Variants in KCNH7 observed in about 807,000 individuals in gnomAD.
KCNH7 encodes the protein potassium voltage-gated channel subfamily H member 7.
A neutral mutation model predicts 120.8 loss-of-function variants in KCNH7; 49 were observed. That is an observed-to-expected ratio of 0.41 (90% CI 0.32 to 0.51). The LOEUF is 0.51. KCNH7 is among the 20% of genes least tolerant of loss of function. The pLI is 0.38. For synonymous variants in KCNH7, 547 were observed against 516.1 expected, an observed-to-expected ratio of 1.06 and a Z score of -0.81; for missense variants, 1,097 against 1,446.6, an observed-to-expected ratio of 0.76 and a Z score of 3.92.
chr2:162,422,917 A>G (rs1687752023), intron 9 of KCNH7, among the ~76,000 whole-genome samples: 1 of 152,168 alleles, frequency 6.6e-6, no homozygotes, highest in Non-Finnish European at 1.5e-5. Context: ...CCTGTCTTTT[A>G]AAGTGTGTTA....
At chr2:162,580,573 C>G (rs544108017) in intron 2 of KCNH7, among the ~76,000 whole-genome samples, 2 of 152,134 alleles carry the variant, frequency 1.3e-5, no homozygotes, top group East Asian at 3.9e-4. Flanking sequence ...TGATGCAACT[C>G]AATCCAACAT....
At chr2:162,758,395 A>G (rs1471777149) in intron 2 of KCNH7, among the ~76,000 whole-genome samples, 1 of 152,256 alleles carries the variant, frequency 6.6e-6, no homozygotes. Context: ...TGTTGAAGAA[A>G]TTCTCGCTTT....
chr2:162,683,416 A>G (rs2105316474), intron 2 of KCNH7, among the ~76,000 whole-genome samples: 1 of 152,048 alleles, frequency 6.6e-6, no homozygotes, highest in East Asian at 1.9e-4. Context: ...GATGAAAATA[A>G]GCTTCGGATT....
Position 162,766,020 on chromosome 2 carries a change from T to C in KCNH7, c.307+70517A>G, listed in dbSNP as rs1010054254. 4.6e-5 allele frequency among the ~76,000 whole-genome samples: 7 copies of C among 151,590 alleles called. No individual in the cohort carries two copies. In the East Asian group the frequency reaches 1.4e-3, roughly 29 times the overall value. On this transcript the variant is annotated intron_variant, in intron 2 of 15. Transcript: ENST00000332142. ...CATCCTCCTGCCTCAGCTTCCTCAG[T>C]AGCTGGGATTGCAGAACTTTTTTTT...
intron 2 of KCNH7, among the ~76,000 whole-genome samples, chr2:162,648,770 C>T (rs946966796): frequency 3.3e-5 from 5 of 151,890 alleles, no homozygotes; most frequent in African/African-American, 7.3e-5. Context: ...CCTTTACCAC[C>T]CCCCCAAAAA....
chr2:162,404,585 C>G (rs1260813309), intron 9 of KCNH7, among the ~76,000 whole-genome samples: 1 of 151,852 alleles, frequency 6.6e-6, no homozygotes, highest in Non-Finnish European at 1.5e-5. Context: ...CACCTCCTTC[C>G]ACTCTCTCTC....
At chr2:162,546,488 T>C (rs912697671) in intron 2 of KCNH7, among the ~76,000 whole-genome samples, 1 of 152,116 alleles carries the variant, frequency 6.6e-6, no homozygotes, top group African/African-American at 2.4e-5. Flanking sequence ...ACTCAGAATA[T>C]GAGCAAATCT....
intron 2 of KCNH7, among the ~76,000 whole-genome samples, chr2:162,603,906 G>C (rs533522717): frequency 6.6e-6 from 1 of 151,932 alleles, no homozygotes; most frequent in African/African-American, 2.4e-5. Context: ...GTTTTCATTT[G>C]TTATAGATGG....
At chr2:162,513,561 G>A (rs1014288279) in intron 4 of KCNH7, among the ~76,000 whole-genome samples, 4 of 148,542 alleles carry the variant, frequency 2.7e-5, no homozygotes, top group African/African-American at 9.9e-5. Context: ...ATATCTCTCT[G>A]GATGGACTTG....
chr2:162,594,270 G>A (rs1559034829), intron 2 of KCNH7, among the ~76,000 whole-genome samples: 3 of 151,840 alleles, frequency 2.0e-5, no homozygotes, highest in Admixed American at 6.6e-5. Context: ...TCATACAATT[G>A]CTTTAACTAC....
chr2:162,540,752 A>G (rs73022670), intron 2 of KCNH7, among the ~76,000 whole-genome samples: 13,337 of 152,090 alleles, frequency 0.088, 646 homozygotes, highest in East Asian at 0.12. Flanking sequence ...GGCACTGGAG[A>G]GTTTTATCCA....
At chr2:162,549,895 C>G (rs1415442652) in intron 2 of KCNH7, among the ~76,000 whole-genome samples, 5 of 152,116 alleles carry the variant, frequency 3.3e-5, no homozygotes, top group African/African-American at 1.2e-4. Flanking sequence ...GTTAAGAAGG[C>G]CATGTACCCA....
At chr2:162,441,867 T>A (rs1408823184) in intron 7 of KCNH7, among the ~76,000 whole-genome samples, 1 of 152,086 alleles carries the variant, frequency 6.6e-6, no homozygotes, top group Non-Finnish European at 1.5e-5. Flanking sequence ...AGGGAGATAT[T>A]AATGACATAG....
chr2:162,429,781 G>C (rs1190837131), intron 8 of KCNH7, among the ~76,000 whole-genome samples: 1 of 150,524 alleles, frequency 6.6e-6, no homozygotes, highest in Non-Finnish European at 1.5e-5. Flanking sequence ...GGATTCACTG[G>C]ACTTCTTGGA....
chr2:162,649,372 AAAC>A (rs1434110339), intron 2 of KCNH7, among the ~76,000 whole-genome samples: 5 of 152,224 alleles, frequency 3.3e-5, no homozygotes, highest in Admixed American at 3.3e-4. Flanking sequence ...AAAGTATGCC[AAAC>A]ATTTGAAAGT....
intron 2 of KCNH7, among the ~76,000 whole-genome samples, chr2:162,719,208 C>A (rs1297884734): frequency 2.0e-5 from 3 of 152,010 alleles, no homozygotes; most frequent in Admixed American, 2.0e-4. Context: ...TTAGTGGGAG[C>A]TTGCTATTTC....
At chr2:162,636,530 C>A (rs1683968600) in intron 2 of KCNH7, among the ~76,000 whole-genome samples, 1 of 151,990 alleles carries the variant, frequency 6.6e-6, no homozygotes, top group Admixed American at 6.6e-5. Context: ...TTTTTGTTGC[C>A]AGGCCTGGAT....
chr2:162,614,965 G>A (rs1196163333), intron 2 of KCNH7, among the ~76,000 whole-genome samples: 1 of 151,936 alleles, frequency 6.6e-6, no homozygotes, highest in Non-Finnish European at 1.5e-5. Flanking sequence ...AATTCATAAA[G>A]TATTTCATAA....
At chr2:162,507,012 T>C (rs1193198968) in intron 5 of KCNH7, among the ~76,000 whole-genome samples, 1 of 151,884 alleles carries the variant, frequency 6.6e-6, no homozygotes, top group South Asian at 2.1e-4. Flanking sequence ...CTGTTTCACA[T>C]ATAAACACCA....
Sources: gnomAD v4.1 joint callset for allele counts (sites outside exome capture counted in the v4.1 genomes callset) on GRCh38, gnomAD v4.1.1 for gene constraint, MANE v1.5 for transcripts, NCBI Gene and HGNC (gene_info 2026-07-23, HGNC 2026-07-21) for gene names.